The following FRMD3 variants were observed in gnomAD, a reference collection of about 807,000 sequenced individuals.
The protein encoded by FRMD3 is FERM domain containing 3, also known as FERM domain-containing protein 3.
In FRMD3, 33 loss-of-function variants were observed where a neutral mutation model predicts 70.2. The ratio of observed to expected loss-of-function variants is 0.47; its 90% CI spans 0.36 to 0.63. The LOEUF is 0.63. Ranked by LOEUF, FRMD3 falls within the 20% of genes least tolerant of loss-of-function variation. The pLI is 0.00. For synonymous variants in FRMD3, 279 were observed against 255.9 expected, an observed-to-expected ratio of 1.09 and a Z score of -0.86; for missense variants, 632 against 711.4, an observed-to-expected ratio of 0.89 and a Z score of 1.27.
At chr9:83,381,240 T>G (rs888280594) in intron 2 of FRMD3, among the ~76,000 whole-genome samples, 2 of 152,208 alleles carry the variant, frequency 1.3e-5, no homozygotes, top group Non-Finnish European at 2.9e-5. Context: ...AAAAATGTTT[T>G]TCCATTTGGA....
intron 2 of FRMD3, among the ~76,000 whole-genome samples, chr9:83,379,924 C>G (rs1825305353): frequency 6.6e-6 from 1 of 152,140 alleles, no homozygotes; most frequent in Admixed American, 6.5e-5. Context: ...CATGACTTTG[C>G]CCAGCATTAC....
chr9:83,478,265 A>G (rs17086317), intron 1 of FRMD3, among the ~76,000 whole-genome samples: 65,520 of 151,936 alleles, frequency 0.43, 14,264 homozygotes, highest in Middle Eastern at 0.46. Flanking sequence ...TCTAAACCTA[A>G]CTCAGTTGTT....
intron 1 of FRMD3, among the ~76,000 whole-genome samples, chr9:83,456,046 C>T (rs910479141): frequency 7.9e-5 from 12 of 152,144 alleles, no homozygotes; most frequent in Non-Finnish European, 1.6e-4. Flanking sequence ...TCCTCCTGCC[C>T]TCACCCACAA....
chr9:83,314,969 T>C (rs1178498886), intron 6 of FRMD3, among the ~76,000 whole-genome samples: 1 of 152,236 alleles, frequency 6.6e-6, no homozygotes, highest in African/African-American at 2.4e-5. Flanking sequence ...GGTACTATGC[T>C]CTGAATTATT....
chr9:83,275,976 T>C lies in FRMD3; in HGVS notation c.1195+14627A>G, dbSNP rs116135396. 626 of 152,340 alleles carry C rather than the reference T, an allele frequency of 4.1e-3. 2 individuals are homozygous for C. Among genetic ancestry groups the C allele is most frequent in the African/African-American group, 0.014 (584 of 41,564 alleles). The allele number at this position is 152,340 out of a possible 1,614,324, so 9.4% of individuals were successfully genotyped here. Reference sequence around the variant, plus strand: ...AGTGGCAGTATTGTAGCCAGTGAGGTTCATCCGAGGCACAATTATTGGCTA... The same window carrying C: ...AGTGGCAGTATTGTAGCCAGTGAGGCTCATCCGAGGCACAATTATTGGCTA... On this transcript the variant is annotated intron_variant, in intron 13 of 13. Coordinates refer to ENST00000304195, the MANE Select transcript of FRMD3 (RefSeq NM_174938.6).
intron 1 of FRMD3, among the ~76,000 whole-genome samples, chr9:83,451,231 A>G (rs901688566): frequency 2.0e-5 from 3 of 152,180 alleles, no homozygotes; most frequent in African/African-American, 4.8e-5. Context: ...CATACTACAC[A>G]TGTACTTATT....
chr9:83,286,663 G>C (rs1834226391), intron 13 of FRMD3, among the ~76,000 whole-genome samples: 1 of 152,120 alleles, frequency 6.6e-6, no homozygotes, highest in Non-Finnish European at 1.5e-5. Context: ...GGCTCAAGCT[G>C]CTGATCTTGA....
chr9:83,343,577 G>A (rs1823848138), intron 4 of FRMD3, among the ~76,000 whole-genome samples: 1 of 152,158 alleles, frequency 6.6e-6, no homozygotes, highest in Admixed American at 6.6e-5. Context: ...GGACCCAGTG[G>A]CCAGAGCTCC....
chr9:83,433,731 T>G (rs1353807979), intron 1 of FRMD3, among the ~76,000 whole-genome samples: 1 of 150,504 alleles, frequency 6.6e-6, no homozygotes, highest in Non-Finnish European at 1.5e-5. Context: ...ATAGGGAATG[T>G]GCAACCTAGA....
intron 6 of FRMD3, chr9:83,332,069 G>A: frequency 3.3e-6 from 2 of 601,938 alleles, no homozygotes; most frequent in Non-Finnish European, 5.9e-6. Flanking sequence ...GCCTCTGGTG[G>A]GCACAGAGCA....
intron 13 of FRMD3, among the ~76,000 whole-genome samples, chr9:83,272,828 CACG>C (rs1833630856): frequency 1.3e-5 from 2 of 150,244 alleles, no homozygotes; most frequent in African/African-American, 2.5e-5. Flanking sequence ...TCTGCCCGGC[CACG>C]ACCCCATCTG....
intron 1 of FRMD3, among the ~76,000 whole-genome samples, chr9:83,448,521 G>A (rs1272735559): frequency 6.6e-6 from 1 of 152,180 alleles, no homozygotes; most frequent in African/African-American, 2.4e-5. Flanking sequence ...AAATAGAGGT[G>A]CATTTGCAGT....
intron 1 of FRMD3, among the ~76,000 whole-genome samples, chr9:83,449,030 T>C (rs1827563449): frequency 6.6e-6 from 1 of 152,116 alleles, no homozygotes; most frequent in African/African-American, 2.4e-5. Context: ...TGCTGAGCCA[T>C]TGCAGAGGGC....
At chr9:83,511,650 AAAG>A (rs1188514028) in intron 1 of FRMD3, among the ~76,000 whole-genome samples, 1 of 152,230 alleles carries the variant, frequency 6.6e-6, no homozygotes, top group Non-Finnish European at 1.5e-5. Flanking sequence ...ATAAATAAAT[AAAG>A]AAGTAGCTGC....
chr9:83,401,939 C>G (rs1211206659), intron 1 of FRMD3, among the ~76,000 whole-genome samples: 1 of 152,106 alleles, frequency 6.6e-6, no homozygotes, highest in African/African-American at 2.4e-5. Context: ...GCATAGCAAG[C>G]TGGATTGGCC....
intron 1 of FRMD3, among the ~76,000 whole-genome samples, chr9:83,410,190 G>A (rs746083857): frequency 2.6e-5 from 4 of 151,882 alleles, no homozygotes; most frequent in Non-Finnish European, 5.9e-5. Context: ...TAGATTCTGG[G>A]TTTGTTACCC....
At chr9:83,430,545 T>G (rs116457102) in intron 1 of FRMD3, among the ~76,000 whole-genome samples, 1,645 of 152,336 alleles carry the variant, frequency 0.011, 30 homozygotes, top group African/African-American at 0.037. Context: ...TATTTGTTCC[T>G]TAACTTGTTA....
intron 6 of FRMD3, among the ~76,000 whole-genome samples, chr9:83,334,831 C>G (rs1419723784): frequency 6.6e-6 from 1 of 152,224 alleles, no homozygotes; most frequent in Non-Finnish European, 1.5e-5. Context: ...CTGATACTTA[C>G]TAGCTGCGTG....
At chr9:83,265,308 G>T (rs1229675898) in intron 13 of FRMD3, among the ~76,000 whole-genome samples, 3 of 151,248 alleles carry the variant, frequency 2.0e-5, no homozygotes, top group Admixed American at 1.3e-4. Flanking sequence ...GCTGAGGCAG[G>T]AGAATGGTGT....
Sources: gnomAD v4.1 joint callset for allele counts (sites outside exome capture counted in the v4.1 genomes callset) on GRCh38, gnomAD v4.1.1 for gene constraint, MANE v1.5 for transcripts, NCBI Gene and HGNC (gene_info 2026-07-23, HGNC 2026-07-21) for gene names.